TSGA10: variants seen among roughly 807,000 people sequenced by gnomAD.
TSGA10 encodes the protein testis-specific gene 10 protein.
In TSGA10, 43 loss-of-function variants were observed where a neutral mutation model predicts 96.6. The ratio of observed to expected loss-of-function variants is 0.44; its 90% confidence interval spans 0.35 to 0.57. The LOEUF (loss-of-function observed/expected upper bound fraction) is 0.57, where lower values mean the gene tolerates loss of function less well. Among genes scored for constraint, TSGA10 ranks in the 20% least tolerant of loss-of-function variants. The probability of loss-of-function intolerance (pLI) is 0.01; values close to 1 mark genes in which losing one functional copy is unlikely to be tolerated. For missense variants in TSGA10, 703 were observed against 834.4 expected (o/e 0.84, Z 1.94); for synonymous variants, 229 against 269.9 (o/e 0.85, Z 1.48).
At chr2:99,093,945 G>A (rs2104708178) in intron 10 of TSGA10, among the ~76,000 whole-genome samples, 1 of 152,122 alleles carries the variant, frequency 6.6e-6, no homozygotes, top group Non-Finnish European at 1.5e-5. Context: ...ACATAGCCAA[G>A]GCAAGACTAA....
At chr2:99,144,512 C>T (rs1030570788) in intron 1 of TSGA10, among the ~76,000 whole-genome samples, 1 of 151,398 alleles carries the variant, frequency 6.6e-6, no homozygotes, top group Admixed American at 6.6e-5. Flanking sequence ...AGGCGGGGCA[C>T]GGTGGCTCAT....
chr2:99,062,135 A>G (rs1223048668), intron 16 of TSGA10, among the ~76,000 whole-genome samples: 1 of 152,258 alleles, frequency 6.6e-6, no homozygotes, highest in Non-Finnish European at 1.5e-5. Context: ...GATCAAGAAT[A>G]CAAATATAGT....
chr2:99,117,530 G>A lies in TSGA10; in HGVS notation c.-140+14C>T, dbSNP rs1366295801. 5.1e-6 allele frequency: 5 copies of A among 981,972 alleles called. No homozygotes were observed. The African/African-American group carries it at 8.8e-5, about 17-fold the overall frequency. The allele number at this position is 981,972 out of a possible 1,614,324, so 60.8% of individuals were successfully genotyped here. ...AAGTAAAATTAAAATCCTTATCCGT[G>A]GTAAATCTGGTACCTTGGCTTCTTC... On this transcript the variant is annotated intron_variant, in intron 4 of 20. Coordinates refer to ENST00000393483, the MANE Select transcript of TSGA10 (RefSeq NM_025244.4).
At chr2:99,121,800 A>C (rs1204005481) in intron 2 of TSGA10, among the ~76,000 whole-genome samples, 1 of 151,924 alleles carries the variant, frequency 6.6e-6, no homozygotes, top group African/African-American at 2.4e-5. Context: ...CATATTACCA[A>C]TTTTTCCTTT....
chr2:99,098,265 G>A (rs1421802279), intron 10 of TSGA10, among the ~76,000 whole-genome samples: 2 of 151,522 alleles, frequency 1.3e-5, no homozygotes, highest in Non-Finnish European at 2.9e-5. Flanking sequence ...ATGAAACCCT[G>A]TCTCTACTAA....
intron 10 of TSGA10, among the ~76,000 whole-genome samples, chr2:99,087,288 C>T (rs1207763594): frequency 1.3e-5 from 2 of 152,040 alleles, no homozygotes; most frequent in Non-Finnish European, 2.9e-5. Flanking sequence ...AGGCAGATCA[C>T]CTGCAGTCAG....
intron 7 of TSGA10, among the ~76,000 whole-genome samples, chr2:99,106,612 A>G (rs908201546): frequency 6.6e-6 from 1 of 151,624 alleles, no homozygotes; most frequent in South Asian, 2.1e-4. Flanking sequence ...CATCCATTCT[A>G]TCACCCCAGA....
chr2:99,017,916 A>ATTTTTGTTAT (rs2079664893), intron 20 of TSGA10, among the ~76,000 whole-genome samples: 2 of 152,050 alleles, frequency 1.3e-5, no homozygotes, highest in Admixed American at 1.3e-4. Context: ...CTGCTAAGGA[A>ATTTTTGTTAT]CTTATCGGTG....
At chr2:99,071,999 A>G in intron 13 of TSGA10, 125 bp from the exon 14 acceptor site, 2 of 791,170 alleles carry the variant, frequency 2.5e-6, no homozygotes, top group Middle Eastern at 2.5e-4. Flanking sequence ...ACACGTTTGA[A>G]TTTATAGGAA....
chr2:99,060,741 T>C (rs1312945115), intron 16 of TSGA10, among the ~76,000 whole-genome samples: 1 of 152,186 alleles, frequency 6.6e-6, no homozygotes, highest in Non-Finnish European at 1.5e-5. Context: ...TAAGGATAGA[T>C]GTATACCCAG....
chr2:99,065,111 C>A lies in TSGA10; in HGVS notation c.1232G>T (p.Arg411Leu). The change falls in exon 16 of 21, where the codon CGG becomes CTG. Residue 411 changes from arginine (R) to leucine (L), a missense_variant. Arg to Leu is a moderately radical substitution (Grantham distance 102). Around this residue, in one of 3 missense-constraint regions of TSGA10, gnomAD observed 585 missense variants for 656.8 expected, o/e 0.89. Transcript: ENST00000393483. ...TTTTCGAAGTTGTTCCATCATTTGCCGGTTCTCAGATTCCTGAAAAGCAAA... is the reference window on the plus strand; with the variant it reads ...TTTTCGAAGTTGTTCCATCATTTGCAGGTTCTCAGATTCCTGAAAAGCAAA... ...NILKSEESEN[R>L]QMMEQLRKAN... is the part of the protein sequence containing the mutation. 6.2e-7 allele frequency: 1 copy of A among 1,611,044 alleles called. No individual in the cohort carries two copies. The highest frequency in any genetic ancestry group is 1.1e-5 in the South Asian group (1 of 90,014).
chr2:99,102,114 G>C (rs766242678), intron 10 of TSGA10: 48 of 1,452,476 alleles, frequency 3.3e-5, no homozygotes, highest in Non-Finnish European at 4.6e-5. Context: ...GCGACAAGAA[G>C]AGTTAGATAG....
chr2:99,079,484 C>T (rs1354642861), intron 11 of TSGA10, among the ~76,000 whole-genome samples: 2 of 152,172 alleles, frequency 1.3e-5, no homozygotes, highest in Non-Finnish European at 2.9e-5. Flanking sequence ...TCTTATGCCT[C>T]CACTCCAGAC....
intron 20 of TSGA10, among the ~76,000 whole-genome samples, chr2:99,007,339 A>T (rs2078589527): frequency 6.6e-6 from 1 of 152,198 alleles, no homozygotes. Context: ...ATTCACAATG[A>T]CTCATAAAGC....
intron 16 of TSGA10, among the ~76,000 whole-genome samples, chr2:99,048,970 C>T (rs997953323): frequency 2.6e-5 from 4 of 151,988 alleles, no homozygotes; most frequent in African/African-American, 9.7e-5. Context: ...AGCCAACAAA[C>T]ATGAAAAAAA....
intron 1 of TSGA10, chr2:99,150,973 T>A: frequency 1.8e-6 from 1 of 550,684 alleles, no homozygotes; most frequent in Non-Finnish European, 3.2e-6. Context: ...TTGTGAATCA[T>A]CTTACACTGC....
At chr2:99,025,315 T>C (rs780290628) in intron 17 of TSGA10, among the ~76,000 whole-genome samples, 17 of 152,178 alleles carry the variant, frequency 1.1e-4, no homozygotes, top group Non-Finnish European at 1.5e-4. Context: ...AGGTTACAGG[T>C]TTATTCAGAT....
intron 1 of TSGA10, among the ~76,000 whole-genome samples, chr2:99,127,834 T>C (rs1489437849): frequency 6.6e-6 from 1 of 152,166 alleles, no homozygotes. Flanking sequence ...TGGTATAAAA[T>C]CTATCAACAT....
At chr2:99,105,506 G>T (rs201262875) in intron 8 of TSGA10, 21 bp downstream of exon 8, 1 of 1,613,698 alleles carries the variant, frequency 6.2e-7, no homozygotes, top group African/African-American at 1.3e-5. Context: ...ATATATTCAC[G>T]TAAATAAAAT....
Sources: allele counts gnomAD v4.1 joint callset (sites outside exome capture counted in the v4.1 genomes callset), GRCh38; gene constraint gnomAD v4.1.1; regional missense constraint gnomAD v4.1.1; transcripts MANE v1.5; gene names NCBI Gene and HGNC (gene_info 2026-07-23, HGNC 2026-07-21).